The following TNNI3K variants were observed in gnomAD, a reference collection of about 807,000 sequenced individuals.
TNNI3K encodes TNNI3 interacting kinase.
In TNNI3K, 140 loss-of-function variants were observed where a neutral mutation model predicts 114.5. The observed-to-expected ratio is 1.22, with a 90% CI of 1.07 to 1.41. The LOEUF (loss-of-function observed/expected upper bound fraction) is 1.41, where lower values mean the gene tolerates loss of function less well. TNNI3K is among the 40% of genes most tolerant of loss of function. The probability of loss-of-function intolerance (pLI) is 0.00; values close to 1 mark genes in which losing one functional copy is unlikely to be tolerated. For synonymous variants in TNNI3K, 347 were observed against 347.5 expected, an observed-to-expected ratio of 1.00 and a Z score of 0.02; for missense variants, 1,125 against 1,007.6, an observed-to-expected ratio of 1.12 and a Z score of -1.58.
At chr1:74,526,054 AC>A (rs1646500772) in intron 23 of TNNI3K, among the ~76,000 whole-genome samples, 1 of 152,242 alleles carries the variant, frequency 6.6e-6, no homozygotes, top group Non-Finnish European at 1.5e-5. Context: ...TTAAAACAAA[AC>A]AAAAAAAACA....
chr1:74,429,775 T>G (rs1665805802), intron 17 of TNNI3K, among the ~76,000 whole-genome samples: 2 of 152,134 alleles, frequency 1.3e-5, no homozygotes, highest in South Asian at 2.1e-4. Flanking sequence ...AAATGAAGCC[T>G]AATTGCTTCC....
At chr1:74,368,838 AG>A (rs1180554989) in intron 13 of TNNI3K, among the ~76,000 whole-genome samples, 183 bp from the exon 14 acceptor site, 13 of 151,912 alleles carry the variant, frequency 8.6e-5, no homozygotes, top group African/African-American at 3.1e-4. Flanking sequence ...ATTTTAATGC[AG>A]GGGGGTAGGG....
At chr1:74,536,184 C>G (rs1405928978) in intron 23 of TNNI3K, among the ~76,000 whole-genome samples, 1 of 152,062 alleles carries the variant, frequency 6.6e-6, no homozygotes, top group African/African-American at 2.4e-5. Context: ...TAGCACTTTT[C>G]CCATTCTTCT....
chr1:74,348,608 C>T (rs1328022226), intron 9 of TNNI3K, among the ~76,000 whole-genome samples: 2 of 152,132 alleles, frequency 1.3e-5, no homozygotes, highest in African/African-American at 2.4e-5. Context: ...ATTTTCACGA[C>T]ATTGATTCTT....
chr1:74,387,265 A>T (rs1663532053), intron 17 of TNNI3K, among the ~76,000 whole-genome samples: 2 of 152,226 alleles, frequency 1.3e-5, no homozygotes, highest in Non-Finnish European at 2.9e-5. Context: ...CATGGTGAGA[A>T]CAAAGAATAT....
chr1:74,300,611 A>T (rs45579843), intron 5 of TNNI3K, among the ~76,000 whole-genome samples: 236 of 152,348 alleles, frequency 1.5e-3, no homozygotes, highest in African/African-American at 5.6e-3. Context: ...TTTAGTAAAG[A>T]CCATTCTCCC....
chr1:74,434,755 C>A (rs948316222), intron 17 of TNNI3K, among the ~76,000 whole-genome samples: 4 of 151,802 alleles, frequency 2.6e-5, no homozygotes, highest in Non-Finnish European at 5.9e-5. Flanking sequence ...TTCTACACTG[C>A]GCTACTGCAA....
intron 17 of TNNI3K, among the ~76,000 whole-genome samples, chr1:74,427,906 T>C (rs1323407236): frequency 6.6e-6 from 1 of 152,056 alleles, no homozygotes; most frequent in African/African-American, 2.4e-5. Context: ...ACTTGCTTTT[T>C]ATGGTGCTGA....
intron 23 of TNNI3K, among the ~76,000 whole-genome samples, chr1:74,502,851 T>C (rs1017182543): frequency 5.3e-5 from 8 of 152,090 alleles, no homozygotes; most frequent in Non-Finnish European, 8.8e-5. Context: ...GTGGACTCCC[T>C]CTGTATCTTC....
intron 17 of TNNI3K, among the ~76,000 whole-genome samples, chr1:74,388,301 T>C (rs1262059555): frequency 6.6e-6 from 1 of 152,140 alleles, no homozygotes; most frequent in Non-Finnish European, 1.5e-5. Context: ...ATAATTTTTT[T>C]CTGTCTTCCC....
At position 74,350,184 on chromosome 1, in the gene TNNI3K, T is replaced by C. The variant is rs576956778; in HGVS notation, c.933-3082T>C. Among the ~76,000 whole-genome samples the C allele has an allele frequency of 1.8e-4, 27 of 152,314 alleles. No individual in the cohort carries two copies. In the South Asian group the frequency reaches 5.2e-3, roughly 29 times the overall value. On this transcript the variant is annotated intron_variant, in intron 9 of 24. Coordinates refer to ENST00000326637, the MANE Select transcript of TNNI3K (RefSeq NM_015978.3). ...CTGGTATGTTGTGTCTTTGTTCTCGTTGGTTTCAAAGAACATCTTTATGTC... is the reference window on the plus strand; with the variant it reads ...CTGGTATGTTGTGTCTTTGTTCTCGCTGGTTTCAAAGAACATCTTTATGTC...
chr1:74,285,713 A>C (rs1657289147), intron 5 of TNNI3K, among the ~76,000 whole-genome samples: 1 of 152,240 alleles, frequency 6.6e-6, no homozygotes, highest in Non-Finnish European at 1.5e-5. Context: ...CTGTCAAATG[A>C]CTAAACTAAT....
chr1:74,533,361 C>G (rs368581229), intron 23 of TNNI3K, among the ~76,000 whole-genome samples: 4 of 152,128 alleles, frequency 2.6e-5, no homozygotes, highest in Non-Finnish European at 4.4e-5. Context: ...ACCACAATGA[C>G]ATACCATCTC....
At chr1:74,476,942 C>A (rs571470822) in intron 21 of TNNI3K, among the ~76,000 whole-genome samples, 2 of 152,226 alleles carry the variant, frequency 1.3e-5, no homozygotes, top group South Asian at 4.1e-4. Context: ...GTAAAATCCT[C>A]ATACCATTGT....
At chr1:74,469,546 CTCT>C (rs1344029958) in intron 21 of TNNI3K, 2 of 188,896 alleles carry the variant, frequency 1.1e-5, no homozygotes, top group Non-Finnish European at 2.1e-5. Context: ...TGCTCAAATA[CTCT>C]TCTTATGTAG....
chr1:74,536,721 TATC>T (rs1646665007), intron 23 of TNNI3K, among the ~76,000 whole-genome samples: 1 of 152,210 alleles, frequency 6.6e-6, no homozygotes, highest in African/African-American at 2.4e-5. Context: ...CTATGATATA[TATC>T]ATCATCTTTT....
intron 20 of TNNI3K, among the ~76,000 whole-genome samples, chr1:74,451,672 C>CTTTTT (rs1405991996): frequency 2.4e-5 from 1 of 41,510 alleles, no homozygotes; most frequent in Admixed American, 3.2e-4. Context: ...CTTTTCTTTT[C>CTTTTT]TTTTCTTTTC....
chr1:74,386,861 T>A (rs1663507772), intron 17 of TNNI3K, among the ~76,000 whole-genome samples: 1 of 152,122 alleles, frequency 6.6e-6, no homozygotes, highest in African/African-American at 2.4e-5. Context: ...TATAAATGAC[T>A]CACAGAAATA....
chr1:74,314,701 C>T (rs567346), intron 5 of TNNI3K, among the ~76,000 whole-genome samples: 24,155 of 151,954 alleles, frequency 0.16, 2,006 homozygotes, highest in South Asian at 0.24. Flanking sequence ...GAGAAGTGAT[C>T]AAAGTCATAA....
Sources: allele counts gnomAD v4.1 joint callset (sites outside exome capture counted in the v4.1 genomes callset), GRCh38; gene constraint gnomAD v4.1.1; transcripts MANE v1.5; gene names NCBI Gene and HGNC (gene_info 2026-07-23, HGNC 2026-07-21).